The following USP44 variants were observed in gnomAD, a reference collection of about 807,000 sequenced individuals.
USP44 encodes the protein ubiquitin carboxyl-terminal hydrolase 44.
In USP44, 61 loss-of-function variants were observed where a neutral mutation model predicts 69.0. That is an observed-to-expected ratio of 0.88 (90% CI 0.72 to 1.09). USP44 has a LOEUF of 1.09. USP44 is among the 50% of genes least tolerant of loss of function. The probability of loss-of-function intolerance (pLI) is 0.00; values close to 1 mark genes in which losing one functional copy is unlikely to be tolerated. For synonymous variants in USP44, 297 were observed against 295.4 expected (o/e 1.01, Z -0.06); for missense variants, 753 against 849.9 (o/e 0.89, Z 1.42).
intron 4 of USP44, 119 bp downstream of exon 4, chr12:95,524,561 A>T: frequency 1.5e-6 from 1 of 681,676 alleles, no homozygotes; most frequent in Non-Finnish European, 2.4e-6. Flanking sequence ...ATTAAAAGTT[A>T]ATTCATTTGT....
In USP44 at chr12:95,533,980, C is replaced by T. The variant is rs1454993206; in HGVS notation, c.277G>A (p.Gly93Arg). 19 of 1,614,030 alleles carry T rather than the reference C, an allele frequency of 1.2e-5. No individual in the cohort carries two copies. The highest frequency in any genetic ancestry group is 1.6e-5 in the Non-Finnish European group (19 of 1,180,024). ...GTACGTCGTAGTAACTTCAGGTCTC[C>T]AGTTGTGTTATCATTCAGAACATAA... ...DDYVLNDNTT[G>R]DLKLLRRTLS... Residue 93 changes from glycine to arginine, a missense_variant, in exon 2 of 6, where the codon GGA becomes AGA. Transcript: ENST00000258499.
intron 1 of USP44, among the ~76,000 whole-genome samples, chr12:95,539,380 C>T (rs910099292): frequency 2.0e-5 from 3 of 152,076 alleles, no homozygotes; most frequent in Non-Finnish European, 2.9e-5. Flanking sequence ...CGCCTGCCAC[C>T]ACACCCAGCT....
At chr12:95,550,225 TTCTTA>T (rs2077701364) in intron 1 of USP44, among the ~76,000 whole-genome samples, 1 of 149,600 alleles carries the variant, frequency 6.7e-6, no homozygotes, top group Non-Finnish European at 1.5e-5. Flanking sequence ...ACACAGGAAG[TTCTTA>T]TGTTAACAAA....
At chr12:95,532,431 G>T (rs1190246175) in intron 2 of USP44, among the ~76,000 whole-genome samples, 2 of 152,140 alleles carry the variant, frequency 1.3e-5, no homozygotes, top group African/African-American at 4.8e-5. Context: ...GCTTCCCAAA[G>T]TGCTGGGATT....
intron 2 of USP44, among the ~76,000 whole-genome samples, chr12:95,529,998 C>T (rs1002675251): frequency 6.6e-6 from 1 of 152,060 alleles, no homozygotes; most frequent in African/African-American, 2.4e-5. Flanking sequence ...ATGTAGCAAC[C>T]GGAAAGGAAA....
chr12:95,521,460 T>TA (rs148412891), intron 4 of USP44, among the ~76,000 whole-genome samples: 153 of 152,318 alleles, frequency 1.0e-3, no homozygotes, highest in African/African-American at 3.5e-3. Context: ...ATTTACCCCC[T>TA]AACAGGTAAA....
At chr12:95,551,126 A>G (rs1364479485) in intron 1 of USP44, 146 bp downstream of exon 1, 1 of 152,096 alleles carries the variant, frequency 6.6e-6, no homozygotes, top group Non-Finnish European at 1.5e-5. Flanking sequence ...TTACATAGCA[A>G]TCATAGTCAT....
At chr12:95,520,762 A>C (rs975295871) in intron 5 of USP44, among the ~76,000 whole-genome samples, 1 of 152,210 alleles carries the variant, frequency 6.6e-6, no homozygotes, top group South Asian at 2.1e-4. Flanking sequence ...GTTAGCAACA[A>C]GACTATCCTC....
chr12:95,534,155 C>T lies in USP44; in HGVS notation c.102G>A (p.Thr34=), dbSNP rs765490009. Residue 34 remains threonine, a synonymous_variant, in exon 2 of 6, where the codon ACG becomes ACA. Coordinates refer to ENST00000258499, the MANE Select transcript of USP44 (RefSeq NM_032147.5). ...TAAGGCAAGCCCAAATGGACTCGGTCGTGTTGCAGTCCACACAGTGCCATT... is the reference window on the plus strand; with the variant it reads ...TAAGGCAAGCCCAAATGGACTCGGTTGTGTTGCAGTCCACACAGTGCCATT... ...PQKWHCVDCN[T]TESIWACLSC... is the part of the protein sequence containing the mutation. The T allele has an allele frequency of 1.5e-5, 25 of 1,613,988 alleles. No individual in the cohort carries two copies. The highest frequency in any genetic ancestry group is 8.3e-5 in the Admixed American group (5 of 60,004).
At position 95,534,224 on chromosome 12, in the gene USP44, C is replaced by T; in HGVS notation, c.33G>A (p.Gly11=). The change falls in exon 2 of 6, where the codon GGG becomes GGA. Residue 11 remains glycine (G), a synonymous_variant. Transcript: ENST00000258499. ...AATGGTCTTGAGCAAGCTGCAGCTG[C>T]CCAACATGTTTGCACGTATCCATTG... MLAMDTCKHV[G]QLQLAQDHSS... The T allele has an allele frequency of 1.2e-6, 2 of 1,613,596 alleles. No homozygotes were observed. The highest frequency in any genetic ancestry group is 1.7e-6 in the Non-Finnish European group (2 of 1,179,700).
chr12:95,528,604 GA>G (rs1459931726), intron 3 of USP44, among the ~76,000 whole-genome samples: 1 of 152,110 alleles, frequency 6.6e-6, no homozygotes, highest in African/African-American at 2.4e-5. Context: ...TACAAGATCA[GA>G]AACAATTTAA....
At chr12:95,549,981 G>A (rs531284458) in intron 1 of USP44, among the ~76,000 whole-genome samples, 1 of 152,056 alleles carries the variant, frequency 6.6e-6, no homozygotes, top group East Asian at 1.9e-4. Context: ...GAGTTCGAGA[G>A]CAGCCTGGCC....
At chr12:95,532,803 A>C (rs1332012123) in intron 2 of USP44, 26 bp downstream of exon 2, 2 of 1,536,818 alleles carry the variant, frequency 1.3e-6, no homozygotes, top group East Asian at 4.5e-5. Context: ...CCCAATGATG[A>C]AAATAAGATT....
chr12:95,521,202 C>G lies in USP44; in HGVS notation c.1734G>C (p.Arg578Ser), dbSNP rs1462192821. ...TCTCTCGGTTATTACGTCCTGACCA[C>G]CTGTGAACAAACCAGTGTAAAATTA... ...QVLRLHLKRF[R>S]WSGRNNREKI... Residue 578 changes from arginine (R) to serine (S), a missense_variant and splice_region_variant, in exon 5 of 6, where the codon AGG becomes AGC. Transcript: ENST00000258499. 3.7e-6 allele frequency: 6 copies of G among 1,613,976 alleles called. No individual in the cohort carries two copies. The highest frequency in any genetic ancestry group is 5.1e-6 in the Non-Finnish European group (6 of 1,180,030).
At chr12:95,544,200 G>A (rs374619380) in intron 1 of USP44, among the ~76,000 whole-genome samples, 11 of 149,834 alleles carry the variant, frequency 7.3e-5, no homozygotes, top group South Asian at 2.1e-4. Flanking sequence ...GACTACAGGC[G>A]CCCGCCACCA....
intron 2 of USP44, among the ~76,000 whole-genome samples, chr12:95,531,922 C>T (rs1371348756): frequency 6.6e-6 from 1 of 152,182 alleles, no homozygotes; most frequent in African/African-American, 2.4e-5. Context: ...AGAACCTTTA[C>T]TTCGAAGATT....
intron 1 of USP44, among the ~76,000 whole-genome samples, 164 bp downstream of exon 1, chr12:95,551,108 T>C (rs1308275194): frequency 2.0e-5 from 3 of 152,158 alleles, no homozygotes; most frequent in Admixed American, 6.5e-5. Context: ...TCTATTGCAA[T>C]TTTATTTTTA....
chr12:95,524,554 A>C, intron 4 of USP44, 126 bp downstream of exon 4: 1 of 659,782 alleles, frequency 1.5e-6, no homozygotes, highest in Non-Finnish European at 2.5e-6. Context: ...ATATGATATT[A>C]AAAGTTAATT....
rs376903388 is a variant in USP44 at position 95,551,409 on chromosome 12, G to GC, written c.-209dup. The GC allele has an allele frequency of 3.3e-5, 5 of 152,520 alleles. No homozygotes were observed. The highest frequency in any genetic ancestry group is 6.6e-5 in the Admixed American group (1 of 15,248). The allele number at this position is 152,520 out of a possible 1,614,324, so 9.4% of individuals were successfully genotyped here. On this transcript the variant is annotated 5_prime_UTR_variant, in exon 1 of 6. An upstream open reading frame in the 5' UTR loses its in-frame stop. Transcript: ENST00000258499. The stretch of plus-strand genomic sequence containing the variant: ...AAAAGTCCTGGCGGCTGCCTCCAGT[G>GC]CCCCCCTGCAAATCATTACAAATCA...
Sources: gnomAD v4.1 joint callset for allele counts (sites outside exome capture counted in the v4.1 genomes callset) on GRCh38, gnomAD v4.1.1 for gene constraint, MANE v1.5 for transcripts, NCBI Gene and HGNC (gene_info 2026-07-23, HGNC 2026-07-21) for gene names.